Variants in ABCC12 observed in about 807,000 individuals in gnomAD.
The protein encoded by ABCC12 is ATP-binding cassette sub-family C member 12.
In ABCC12, 142 loss-of-function variants were observed where a neutral mutation model predicts 151.1. That is an observed-to-expected ratio of 0.94 (90% CI 0.82 to 1.08). The LOEUF (loss-of-function observed/expected upper bound fraction) is 1.08. Ranked by LOEUF, ABCC12 falls within the 50% of genes least tolerant of loss-of-function variation. The pLI, the probability that ABCC12 is intolerant of heterozygous loss-of-function variation, is 0.00. For synonymous variants in ABCC12, 645 were observed against 646.4 expected (o/e 1.00, Z 0.03); for missense variants, 1,638 against 1,691.1 (o/e 0.97, Z 0.55).
chr16:48,143,424 G>A (rs1417149926), intron 4 of ABCC12, among the ~76,000 whole-genome samples: 1 of 152,206 alleles, frequency 6.6e-6, no homozygotes, highest in Non-Finnish European at 1.5e-5. Flanking sequence ...ACACCCATTG[G>A]TGTCATTTTC....
chr16:48,117,116 T>A lies in ABCC12; in HGVS notation c.1785+145A>T, dbSNP rs545638085. The A allele has an allele frequency of 1.4e-5, 10 of 698,524 alleles. No homozygotes were observed. The East Asian group carries it at 2.5e-4, about 17-fold the overall frequency. 43.3% of individuals were successfully genotyped at this position (698,524 alleles called of 1,614,324 possible). A position where few individuals can be genotyped will look rare whatever the true frequency, so the allele number is the denominator to read the frequency against. On this transcript the variant is annotated intron_variant, in intron 14 of 30. Transcript: ENST00000311303. ...AGCAAGTATAGATCCAGAGGAAGAA[T>A]TCAGAATGGGTGGAACCTGAGCTTT...
intron 13 of ABCC12, among the ~76,000 whole-genome samples, chr16:48,120,166 T>C (rs540444121): frequency 6.6e-6 from 1 of 152,330 alleles, no homozygotes; most frequent in African/African-American, 2.4e-5. Flanking sequence ...CAAAATCATG[T>C]AGCAACATGA....
chr16:48,084,016 G>A lies in ABCC12; in HGVS notation c.3886C>T (p.Gln1296Ter). 1 of 1,613,064 alleles carries A rather than the reference G, an allele frequency of 6.2e-7. No individual in the cohort carries two copies. Among genetic ancestry groups the A allele is most frequent in the Non-Finnish European group, 8.5e-7 (1 of 1,179,820 alleles). The change falls in exon 30 of 31, where the codon CAG (glutamine) becomes TAG (stop). Residue 1296 changes from glutamine (Q) to a stop codon, truncating the protein, a stop_gained. Transcript: ENST00000311303. LOFTEE classifies it high-confidence loss of function. Reference sequence around the variant, plus strand: ...TTGAAGGCATCTTTGATGGTGTTCTGAACCAGGGTGTCAGTCTTGGAGTCC... The same window carrying A: ...TTGAAGGCATCTTTGATGGTGTTCTAAACCAGGGTGTCAGTCTTGGAGTCC... ...SMDSKTDTLV[Q>*]NTIKDAFKGC...
chr16:48,113,219 C>G (rs1278036929), intron 15 of ABCC12, among the ~76,000 whole-genome samples: 1 of 152,140 alleles, frequency 6.6e-6, no homozygotes, highest in Non-Finnish European at 1.5e-5. Context: ...GGGAGGGTGC[C>G]CAAAGGCTGA....
chr16:48,142,125 T>C (rs1001578093), intron 4 of ABCC12, among the ~76,000 whole-genome samples: 3 of 152,124 alleles, frequency 2.0e-5, no homozygotes, highest in Non-Finnish European at 4.4e-5. Context: ...CTTGGCCAAC[T>C]GTGTGAATAT....
At chr16:48,112,502 G>A (rs980081242) in intron 15 of ABCC12, among the ~76,000 whole-genome samples, 39 of 152,182 alleles carry the variant, frequency 2.6e-4, no homozygotes, top group African/African-American at 8.7e-4. Context: ...GGTTGAGGCA[G>A]GAGAATCGCT....
intron 4 of ABCC12, among the ~76,000 whole-genome samples, chr16:48,142,104 C>T (rs1964836601): frequency 6.6e-6 from 1 of 152,106 alleles, no homozygotes; most frequent in Non-Finnish European, 1.5e-5. Context: ...GGACCGACCC[C>T]AGTTTTCGGG....
chr16:48,154,655 T>G (rs1965160166), intron 1 of ABCC12, among the ~76,000 whole-genome samples: 1 of 152,236 alleles, frequency 6.6e-6, no homozygotes, highest in East Asian at 1.9e-4. Context: ...AAAAGATGTC[T>G]AGAAGTCATC....
chr16:48,093,316 A>T (rs1962979695), intron 24 of ABCC12, among the ~76,000 whole-genome samples: 1 of 152,142 alleles, frequency 6.6e-6, no homozygotes, highest in Non-Finnish European at 1.5e-5. Context: ...TGCTCAAGCC[A>T]TGTGGGCTTC....
chr16:48,115,502 G>A lies in ABCC12; in HGVS notation c.1902C>T (p.Asp634=), dbSNP rs766224799. 1.7e-5 allele frequency: 28 copies of A among 1,614,190 alleles called. No individual in the cohort carries two copies. The highest frequency in any genetic ancestry group is 1.6e-4 in the Middle Eastern group (1 of 6,062). ...YLLDDPLSAV[D]AHVGKHVFEE... ...CAAAGACGTGCTTCCCCACGTGGGC[G>A]TCCACGGCCGACAGGGGGTCGTCCA... is the stretch of plus-strand genomic sequence containing the variant. Residue 634 remains aspartate (D), a synonymous_variant, in exon 15 of 31, where the codon GAC becomes GAT. Coordinates refer to ENST00000311303, the MANE Select transcript of ABCC12 (RefSeq NM_001393797.1).
rs1438945449 is a variant in ABCC12 at position 48,115,451 on chromosome 16, CCT to C, written c.1951_1952del (p.Arg651GlyfsTer18). The C allele has an allele frequency of 6.2e-7, 1 of 1,614,110 alleles. No homozygotes were observed. On this transcript the variant is annotated frameshift_variant, in exon 15 of 31. Transcript: ENST00000311303. LOFTEE classifies it high-confidence loss of function. ...GGGTCACCAGGACGACTGTCTTTCCCCTGAGCGTCTTCTTAATGCACTCCTCA... is the reference window on the plus strand; with the variant it reads ...GGGTCACCAGGACGACTGTCTTTCCCGAGCGTCTTCTTAATGCACTCCTCA... ...VFEECIKKTL[R>X]GKTVVLVTHQ...
intron 28 of ABCC12, chr16:48,086,473 A>G (rs1962607250): frequency 8.8e-6 from 3 of 340,174 alleles, no homozygotes; most frequent in Non-Finnish European, 1.6e-5. Flanking sequence ...CTCTAAAATT[A>G]GGGGTAAGAG....
Position 48,096,852 on chromosome 16 carries a change from T to C in ABCC12, c.3089A>G (p.Asp1030Gly). 1 of 1,614,128 alleles carries C rather than the reference T, an allele frequency of 6.2e-7. No homozygotes were observed. Among genetic ancestry groups the C allele is most frequent in the Non-Finnish European group, 8.5e-7 (1 of 1,180,014 alleles). Residue 1030 changes from aspartate (D) to glycine (G), a missense_variant, in exon 24 of 31, where the codon GAT becomes GGT. Physicochemically the swap from Asp to Gly is moderately conservative, Grantham distance 94. Coordinates refer to ENST00000311303, the MANE Select transcript of ABCC12 (RefSeq NM_001393797.1). ...GAAGGTAAGGATGTTCATGAGGACA[T>C]CCATTCTCAGCGCAAACCACCTGAG... ...CALRWFALRM[D>G]VLMNILTFTV...
At chr16:48,133,092 G>T (rs1314726064) in intron 9 of ABCC12, among the ~76,000 whole-genome samples, 1 of 151,936 alleles carries the variant, frequency 6.6e-6, no homozygotes, top group Non-Finnish European at 1.5e-5. Context: ...CCAACTGCTT[G>T]TTTGGTTTCC....
chr16:48,138,397 T>C (rs1246459795), intron 7 of ABCC12, 22 bp from the exon 8 acceptor site: 2 of 1,595,834 alleles, frequency 1.3e-6, no homozygotes. Flanking sequence ...GTACAAACAC[T>C]GTTTTCAGAG....
chr16:48,087,880 T>C, intron 27 of ABCC12, 46 bp downstream of exon 27: 1 of 1,588,372 alleles, frequency 6.3e-7, no homozygotes. Flanking sequence ...GTCAGTCTGA[T>C]TTCACTCTCC....
chr16:48,086,909 G>A lies in ABCC12; in HGVS notation c.3636-90C>T, dbSNP rs1056540191. The A allele has an allele frequency of 2.1e-5, 23 of 1,098,176 alleles. No individual in the cohort carries two copies. The African/African-American group carries it at 2.8e-4, about 13-fold the overall frequency. The allele number at this position is 1,098,176 out of a possible 1,614,324, so 68.0% of individuals were successfully genotyped here. A position where few individuals can be genotyped will look rare whatever the true frequency, so the allele number is the denominator to read the frequency against. On this transcript the variant is annotated intron_variant, in intron 27 of 30. Transcript: ENST00000311303. ...CAGGTTTTCTGTAGCATGTGGAGGA[G>A]GGTAGGAGGTGGCATGTGATGACCT...
chr16:48,128,316 G>T (rs1192594049), intron 11 of ABCC12, 143 bp downstream of exon 11: 2 of 1,260,428 alleles, frequency 1.6e-6, no homozygotes, highest in Non-Finnish European at 2.2e-6. Context: ...TTTTAAAACT[G>T]GGGGAAAAAT....
intron 22 of ABCC12, 53 bp from the exon 23 acceptor site, chr16:48,101,062 G>C (rs1963290959): frequency 5.0e-6 from 8 of 1,593,306 alleles, no homozygotes; most frequent in Non-Finnish European, 6.8e-6. Flanking sequence ...GTCTCATCAG[G>C]CTTGCCCTCA....
Sources: gnomAD v4.1 joint callset for allele counts (sites outside exome capture counted in the v4.1 genomes callset) on GRCh38, gnomAD v4.1.1 for gene constraint, MANE v1.5 for transcripts, NCBI Gene and HGNC (gene_info 2026-07-23, HGNC 2026-07-21) for gene names.